Variants in MRPL49 observed in about 807,000 individuals in gnomAD.
The protein encoded by MRPL49 is large ribosomal subunit protein mL49.
Under a neutral mutation model 18.4 loss-of-function variants are expected in MRPL49, and 14 were observed. The ratio of observed to expected loss-of-function variants is 0.76; its 90% CI spans 0.50 to 1.19. The LOEUF is 1.19. Ranked by LOEUF, MRPL49 falls within the 50% of genes most tolerant of loss-of-function variation. MRPL49 has a pLI of 0.00. For missense variants in MRPL49, 190 were observed against 217.8 expected (o/e 0.87, Z 0.80); for synonymous variants, 104 against 86.2 (o/e 1.21, Z -1.14).
chr11:65,126,996 C>T lies in MRPL49; in HGVS notation c.*1124C>T, dbSNP rs1337368063. ...TACTTGGAGTCACAGGGGCCAAAGG[C>T]CTGAGACCCCACCCTGCCCCCAAAC... On this transcript the variant is annotated 3_prime_UTR_variant, in exon 4 of 4. Transcript: ENST00000279242. The T allele has an allele frequency of 8.7e-6, 6 of 688,012 alleles. No homozygotes were observed. In the Admixed American group the frequency reaches 1.3e-4, roughly 15 times the overall value. The allele number at this position is 688,012 out of a possible 1,614,324, so 42.6% of individuals were successfully genotyped here.
In MRPL49 at chr11:65,127,276, C is replaced by G. The variant is rs1948113060; in HGVS notation, c.*1404C>G. ...ATCGATTCTGTGACACAAACCCCAC[C>G]AATTGTTAATGCAAGTTTTTATTTG... On this transcript the variant is annotated 3_prime_UTR_variant, in exon 4 of 4. Transcript: ENST00000279242. 1 of 463,776 alleles carries G rather than the reference C, an allele frequency of 2.2e-6. No individual in the cohort carries two copies. Among genetic ancestry groups the G allele is most frequent in the African/African-American group, 2.0e-5 (1 of 49,882 alleles). 28.7% of individuals were successfully genotyped at this position (463,776 alleles called of 1,614,324 possible).
intron 1 of MRPL49, among the ~76,000 whole-genome samples, chr11:65,123,756 A>G (rs1948075588): frequency 6.6e-6 from 1 of 152,144 alleles, no homozygotes; most frequent in Admixed American, 6.5e-5. Context: ...AAATAAATAA[A>G]GGAAAGGAAA....
Position 65,122,351 on chromosome 11 carries a change from C to T in MRPL49, c.5C>T (p.Ala2Val), listed in dbSNP as rs762692675. The change falls in exon 1 of 4, where the codon GCA becomes GTA. Residue 2 changes from alanine to valine, a missense_variant. Transcript: ENST00000279242. MAATMFRATLRG... is the reference protein window; with the variant it reads MVATMFRATLRG... ...AGGCTGGCGTAGCAGGTAAAGATGG[C>T]AGCTACCATGTTCCGGGCTACGCTG... 2 of 1,612,340 alleles carry T rather than the reference C, an allele frequency of 1.2e-6. No homozygotes were observed. The highest frequency in any genetic ancestry group is 1.7e-6 in the Non-Finnish European group (2 of 1,179,428).
At position 65,125,760 on chromosome 11, in the gene MRPL49, C is replaced by T. The variant is rs199561251; in HGVS notation, c.389C>T (p.Pro130Leu). 178 of 1,613,586 alleles carry T rather than the reference C, an allele frequency of 1.1e-4. No individual in the cohort carries two copies. The highest frequency in any genetic ancestry group is 1.7e-4 in the Middle Eastern group (1 of 5,778). ...LQKDVEDFLS[P>L]LLGKTPVTQV... Reference sequence around the variant, plus strand: ...AAAGACGTGGAAGATTTTCTGAGCCCGCTGCTGGGGAAGACACCTGTCACC... The same window carrying T: ...AAAGACGTGGAAGATTTTCTGAGCCTGCTGCTGGGGAAGACACCTGTCACC... Residue 130 changes from proline to leucine, a missense_variant, in exon 4 of 4, where the codon CCG becomes CTG. Coordinates refer to ENST00000279242, the MANE Select transcript of MRPL49 (RefSeq NM_004927.4).
chr11:65,123,647 T>G (rs1211445070), intron 1 of MRPL49, among the ~76,000 whole-genome samples: 1 of 151,966 alleles, frequency 6.6e-6, no homozygotes, highest in Admixed American at 6.5e-5. Flanking sequence ...GGTAGGAGAC[T>G]TGCTTGAACT....
chr11:65,122,773 G>T (rs1488896208), intron 1 of MRPL49, among the ~76,000 whole-genome samples: 1 of 151,232 alleles, frequency 6.6e-6, no homozygotes, highest in Non-Finnish European at 1.5e-5. Flanking sequence ...AGGCTGGAGG[G>T]CAGTGGCGCG....
At chr11:65,122,791 C>T (rs980665222) in intron 1 of MRPL49, among the ~76,000 whole-genome samples, 3 of 149,358 alleles carry the variant, frequency 2.0e-5, no homozygotes, top group African/African-American at 7.4e-5. Context: ...GCGATCTCGG[C>T]CCACTGCAAG....
chr11:65,125,049 A>G (rs951403968), intron 2 of MRPL49: 1 of 258,318 alleles, frequency 3.9e-6, no homozygotes, highest in Non-Finnish European at 7.4e-6. Flanking sequence ...GCTTGACCCA[A>G]CCTGTTTTAG....
At position 65,126,901 on chromosome 11, in the gene MRPL49, A is replaced by G; in HGVS notation, c.*1029A>G. Reference sequence around the variant, plus strand: ...CAAGGCTGGGGAGGGGTTTGCAGGCAGGAATATGCTGACCTTTCACCCTGC... The same window carrying G: ...CAAGGCTGGGGAGGGGTTTGCAGGCGGGAATATGCTGACCTTTCACCCTGC... On this transcript the variant is annotated 3_prime_UTR_variant, in exon 4 of 4. Coordinates refer to ENST00000279242, the MANE Select transcript of MRPL49 (RefSeq NM_004927.4). The G allele has an allele frequency of 1.6e-6, 1 of 608,748 alleles. No homozygotes were observed. Among genetic ancestry groups the G allele is most frequent in the South Asian group, 1.9e-5 (1 of 53,220 alleles). 37.7% of individuals were successfully genotyped at this position (608,748 alleles called of 1,614,324 possible).
chr11:65,125,835 A>G lies in MRPL49; in HGVS notation c.464A>G (p.Gln155Arg), dbSNP rs779415686. Residue 155 changes from glutamine (Q) to arginine (R), a missense_variant, in exon 4 of 4, where the codon CAG becomes CGG. Transcript: ENST00000279242. The stretch of plus-strand genomic sequence containing the variant: ...CTACGGATCAAGGGCTACTTTGACC[A>G]GGAGCTTAAAGCCTGGCTCTTGGAG... ...GTLRIKGYFD[Q>R]ELKAWLLEKG... The G allele has an allele frequency of 1.9e-6, 3 of 1,610,930 alleles. No homozygotes were observed. Among genetic ancestry groups the G allele is most frequent in the Admixed American group, 1.7e-5 (1 of 59,952 alleles).
chr11:65,125,641 G>T, intron 3 of MRPL49, 29 bp downstream of exon 3: 2 of 1,613,864 alleles, frequency 1.2e-6, no homozygotes, highest in Non-Finnish European at 1.7e-6. Flanking sequence ...CTGGGACTGG[G>T]CCTGACCCTT....
At position 65,126,856 on chromosome 11, in the gene MRPL49, G is replaced by A. The variant is rs1948107702; in HGVS notation, c.*984G>A. The stretch of plus-strand genomic sequence containing the variant: ...ACAGCCAGCATAGGGACATCCCCCT[G>A]CAGCCTTCTGACCTGCAATCAAGGC... On this transcript the variant is annotated 3_prime_UTR_variant, in exon 4 of 4. Coordinates refer to ENST00000279242, the MANE Select transcript of MRPL49 (RefSeq NM_004927.4). The A allele has an allele frequency of 5.2e-6, 3 of 582,360 alleles. No homozygotes were observed. In the East Asian group the frequency reaches 8.7e-5, roughly 17 times the overall value. 36.1% of individuals were successfully genotyped at this position (582,360 alleles called of 1,614,324 possible).
At chr11:65,123,340 A>T (rs1320573890) in intron 1 of MRPL49, among the ~76,000 whole-genome samples, 2 of 152,186 alleles carry the variant, frequency 1.3e-5, no homozygotes, top group African/African-American at 4.8e-5. Context: ...GTGCTATCTT[A>T]TGTCAACCTA....
intron 2 of MRPL49, 136 bp from the exon 3 acceptor site, chr11:65,125,352 C>A: frequency 1.8e-6 from 2 of 1,099,178 alleles, no homozygotes; most frequent in South Asian, 2.9e-5. Context: ...AAAGAGGAGA[C>A]CCCCTGACCT....
chr11:65,127,037 T>G lies in MRPL49; in HGVS notation c.*1165T>G. 1.4e-6 allele frequency: 1 copy of G among 702,288 alleles called. No homozygotes were observed. The highest frequency in any genetic ancestry group is 2.7e-5 in the East Asian group (1 of 37,284). 43.5% of individuals were successfully genotyped at this position (702,288 alleles called of 1,614,324 possible). On this transcript the variant is annotated 3_prime_UTR_variant, in exon 4 of 4. Coordinates refer to ENST00000279242, the MANE Select transcript of MRPL49 (RefSeq NM_004927.4). ...GCCCCCAAACTGGCTAAGACAGCTT[T>G]CAGTTCCTGACTCCCCAACTTGGTC...
At chr11:65,122,620 A>C (rs747130692) in intron 1 of MRPL49, 196 bp downstream of exon 1, 10 of 589,700 alleles carry the variant, frequency 1.7e-5, no homozygotes, top group Non-Finnish European at 2.7e-5. Flanking sequence ...GGGAGCACTT[A>C]ACACAGTGCC....
Position 65,126,710 on chromosome 11 carries a change from G to C in MRPL49, c.*838G>C. The C allele has an allele frequency of 2.4e-6, 1 of 416,032 alleles. No homozygotes were observed. The highest frequency in any genetic ancestry group is 4.2e-5 in the East Asian group (1 of 23,996). 25.8% of individuals were successfully genotyped at this position (416,032 alleles called of 1,614,324 possible). A position where few individuals can be genotyped will look rare whatever the true frequency, so the allele number is the denominator to read the frequency against. On this transcript the variant is annotated 3_prime_UTR_variant, in exon 4 of 4. Transcript: ENST00000279242. ...TGTTCAAAGTACAGTGCTGGCACTG[G>C]GGCACAGAGTGCCCACGTTAGCCCC... is the stretch of plus-strand genomic sequence containing the variant.
Position 65,124,605 on chromosome 11 carries a change from C to T in MRPL49, c.182C>T (p.Pro61Leu). 1 of 1,614,202 alleles carries T rather than the reference C, an allele frequency of 6.2e-7. No individual in the cohort carries two copies. Among genetic ancestry groups the T allele is most frequent in the Non-Finnish European group, 8.5e-7 (1 of 1,180,038 alleles). ...CCGGCTACCAGGATCCCAGATCCCC[C>T]AAAGCATGAACATTATCCTACCCCT... ...LLPATRIPDPPKHEHYPTPSG... is the reference protein window; with the variant it reads ...LLPATRIPDPLKHEHYPTPSG... The change falls in exon 2 of 4, where the codon CCA becomes CTA. Residue 61 changes from proline (P) to leucine (L), a missense_variant. Coordinates refer to ENST00000279242, the MANE Select transcript of MRPL49 (RefSeq NM_004927.4).
At chr11:65,124,843 C>T in intron 2 of MRPL49, 191 bp downstream of exon 2, 2 of 577,518 alleles carry the variant, frequency 3.5e-6, no homozygotes, top group Non-Finnish European at 5.9e-6. Flanking sequence ...CACTGGTACT[C>T]ATCCATCCAC....
Sources: gnomAD v4.1 joint callset for allele counts (sites outside exome capture counted in the v4.1 genomes callset) on GRCh38, gnomAD v4.1.1 for gene constraint, MANE v1.5 for transcripts, NCBI Gene and HGNC (gene_info 2026-07-23, HGNC 2026-07-21) for gene names.